Variants in DNAAF9 observed in about 807,000 individuals in gnomAD.
DNAAF9 encodes the protein dynein axonemal assembly factor 9.
In DNAAF9, 90 loss-of-function variants were observed where a neutral mutation model predicts 167.0. That is an observed-to-expected ratio of 0.54 (90% CI 0.45 to 0.64). The LOEUF (loss-of-function observed/expected upper bound fraction) is 0.64. DNAAF9 is among the 30% of genes least tolerant of loss of function. The probability of loss-of-function intolerance (pLI) is 0.00; values close to 1 mark genes in which losing one functional copy is unlikely to be tolerated. For synonymous variants in DNAAF9, 491 were observed against 508.8 expected (o/e 0.96, Z 0.47); for missense variants, 1,315 against 1,442.2 (o/e 0.91, Z 1.43).
At chr20:3,269,620 T>C (rs971153624) in intron 30 of DNAAF9, among the ~76,000 whole-genome samples, 10 of 152,094 alleles carry the variant, frequency 6.6e-5, no homozygotes, top group African/African-American at 2.4e-4. Flanking sequence ...TGCCTCAAAA[T>C]GGTACACGAT....
intron 27 of DNAAF9, among the ~76,000 whole-genome samples, chr20:3,285,707 G>A (rs1040992772): frequency 1.4e-5 from 2 of 147,268 alleles, no homozygotes; most frequent in Admixed American, 6.9e-5. Flanking sequence ...GGCCAGGAGC[G>A]GTGGCTCATG....
rs376988253 is a variant in DNAAF9, at chr20:3,260,079, C to T, written c.2874-51G>A. 1.0e-3 allele frequency: 994 copies of T among 997,318 alleles called. 5 individuals are homozygous for T. In the African/African-American group the frequency reaches 0.014, roughly 14 times the overall value. The allele number at this position is 997,318 out of a possible 1,614,324, so 61.8% of individuals were successfully genotyped here. On this transcript the variant is annotated intron_variant, in intron 31 of 36. Transcript: ENST00000252032. ...TACAGGCCGGGCGCGGTGGCTCACG[C>T]CTGTAATCCCAGCACTCTGGGAGGC...
At chr20:3,383,919 C>A (rs2083697964) in intron 1 of DNAAF9, among the ~76,000 whole-genome samples, 1 of 151,782 alleles carries the variant, frequency 6.6e-6, no homozygotes, top group African/African-American at 2.4e-5. Flanking sequence ...ATGCCTCAGT[C>A]CCCCAAGTAG....
chr20:3,384,524 T>C (rs1473852173), intron 1 of DNAAF9: 3 of 149,310 alleles, frequency 2.0e-5, no homozygotes, highest in African/African-American at 7.4e-5. Flanking sequence ...AATATAAATG[T>C]AAACATCCTG....
rs1292053664 is a variant in DNAAF9 at position 3,382,319 on chromosome 20, C to T, written c.163+108G>A. 3.7e-6 allele frequency: 3 copies of T among 818,040 alleles called. No homozygotes were observed. The African/African-American group carries it at 5.0e-5, about 14-fold the overall frequency. The allele number at this position is 818,040 out of a possible 1,614,324, so 50.7% of individuals were successfully genotyped here. On this transcript the variant is annotated intron_variant, in intron 2 of 36. Transcript: ENST00000252032. Reference sequence around the variant, plus strand: ...TTCGGGGGAACAAGAACTAGGAGGACACCAACTCACAGCTTATTTCACATT... The same window carrying T: ...TTCGGGGGAACAAGAACTAGGAGGATACCAACTCACAGCTTATTTCACATT...
chr20:3,385,183 A>G lies in DNAAF9; in HGVS notation c.84-2677T>C, dbSNP rs550979236. ...GAAGATGAGCATGTCTACTCTCATT[A>G]TTCCTATTTAACATAATACCGGAAG... On this transcript the variant is annotated intron_variant, in intron 1 of 36. Transcript: ENST00000252032. Among the ~76,000 whole-genome samples, 17 of 151,890 alleles carry G rather than the reference A, an allele frequency of 1.1e-4. No individual in the cohort carries two copies. The South Asian group carries it at 3.5e-3, about 32-fold the overall frequency.
At chr20:3,313,681 T>C (rs1600763663) in intron 20 of DNAAF9, among the ~76,000 whole-genome samples, 1 of 152,272 alleles carries the variant, frequency 6.6e-6, no homozygotes, top group East Asian at 1.9e-4. Context: ...CACTGCCAGT[T>C]TGGATTGAAA....
At chr20:3,278,880 C>G in intron 29 of DNAAF9, 32 bp downstream of exon 29, 1 of 1,475,836 alleles carries the variant, frequency 6.8e-7, no homozygotes, top group Admixed American at 1.7e-5. Context: ...ACTTGCAAGG[C>G]ATGCAGGCTG....
At chr20:3,341,276 C>A (rs1352279681) in intron 9 of DNAAF9, among the ~76,000 whole-genome samples, 5 of 152,122 alleles carry the variant, frequency 3.3e-5, no homozygotes, top group Admixed American at 1.3e-4. Flanking sequence ...TAGCATACAG[C>A]AAATCCAACA....
At chr20:3,278,759 A>C (rs1259861191) in intron 29 of DNAAF9, among the ~76,000 whole-genome samples, 153 bp downstream of exon 29, 1 of 152,166 alleles carries the variant, frequency 6.6e-6, no homozygotes, top group Non-Finnish European at 1.5e-5. Context: ...GTGCCTATCA[A>C]ATATGGTAAA....
chr20:3,278,987 C>A, intron 28 of DNAAF9, 38 bp from the exon 29 acceptor site: 1 of 1,453,528 alleles, frequency 6.9e-7, no homozygotes, highest in Non-Finnish European at 9.7e-7. Context: ...AAAAACCATT[C>A]ACCTCAGAGT....
intron 27 of DNAAF9, among the ~76,000 whole-genome samples, chr20:3,283,639 G>A (rs1243541562): frequency 6.6e-6 from 1 of 152,228 alleles, no homozygotes; most frequent in Non-Finnish European, 1.5e-5. Context: ...AAGCAGGGCT[G>A]GCGTGTGCAT....
At chr20:3,343,564 A>G (rs1224664795) in intron 9 of DNAAF9, 112 bp downstream of exon 9, 1 of 735,172 alleles carries the variant, frequency 1.4e-6, no homozygotes, top group Non-Finnish European at 2.4e-6. Context: ...AAGTCAACCC[A>G]TATTTTCCTG....
At chr20:3,393,307 G>A (rs2083852403) in intron 1 of DNAAF9, among the ~76,000 whole-genome samples, 1 of 152,044 alleles carries the variant, frequency 6.6e-6, no homozygotes, top group Non-Finnish European at 1.5e-5. Flanking sequence ...GAGTTCAGGA[G>A]TTCGAGACCA....
chr20:3,402,010 G>A (rs1433758408), intron 1 of DNAAF9, among the ~76,000 whole-genome samples: 1 of 152,188 alleles, frequency 6.6e-6, no homozygotes, highest in African/African-American at 2.4e-5. Context: ...ACGGGCATGT[G>A]AGGTCAAATT....
At chr20:3,387,308 T>C (rs1010311068) in intron 1 of DNAAF9, among the ~76,000 whole-genome samples, 9 of 152,106 alleles carry the variant, frequency 5.9e-5, no homozygotes, top group African/African-American at 2.2e-4. Flanking sequence ...AAGACAGATA[T>C]ACAGACCAAT....
chr20:3,322,770 T>A, intron 14 of DNAAF9, 74 bp from the exon 15 acceptor site: 3 of 1,077,854 alleles, frequency 2.8e-6, no homozygotes, highest in Non-Finnish European at 4.3e-6. Flanking sequence ...GGGTACCTGC[T>A]TGGGATTCTC....
intron 6 of DNAAF9, among the ~76,000 whole-genome samples, chr20:3,363,737 C>T (rs1177352983): frequency 6.6e-6 from 1 of 152,068 alleles, no homozygotes; most frequent in East Asian, 1.9e-4. Context: ...TGTCTTTATT[C>T]TGTCCTCATG....
In DNAAF9 at chr20:3,347,492, T is replaced by C. The variant is rs75032839; in HGVS notation, c.789+1033A>G. On this transcript the variant is annotated intron_variant, in intron 8 of 36. Coordinates refer to ENST00000252032, the MANE Select transcript of DNAAF9 (RefSeq NM_001009984.3). ...GAGAGAGCAACAACATGGGCAAATATATTACACTTGACCTTAGCCAAAAGG... is the reference window on the plus strand; with the variant it reads ...GAGAGAGCAACAACATGGGCAAATACATTACACTTGACCTTAGCCAAAAGG... Among the ~76,000 whole-genome samples, 824 of 152,278 alleles carry C rather than the reference T, an allele frequency of 5.4e-3. 2 individuals carry two copies. Among genetic ancestry groups the C allele is most frequent in the Middle Eastern group, 6.8e-3 (2 of 294 alleles).
Sources: allele counts gnomAD v4.1 joint callset (sites outside exome capture counted in the v4.1 genomes callset), GRCh38; gene constraint gnomAD v4.1.1; transcripts MANE v1.5; gene names NCBI Gene and HGNC (gene_info 2026-07-23, HGNC 2026-07-21).